IPO5: variants seen among roughly 807,000 people sequenced by gnomAD.
IPO5 encodes the protein importin 5, also known as importin-5.
Under a neutral mutation model 143.3 loss-of-function variants are expected in IPO5, and 18 were observed. The ratio of observed to expected loss-of-function variants is 0.13; its 90% confidence interval spans 0.09 to 0.19. The LOEUF is 0.19. IPO5 is among the 10% of genes least tolerant of loss of function. The pLI is 1.00. For synonymous variants in IPO5, 477 were observed against 465.7 expected, an observed-to-expected ratio of 1.02 and a Z score of -0.31; for missense variants, 1,013 against 1,336.9, an observed-to-expected ratio of 0.76 and a Z score of 3.78.
intron 20 of IPO5, 82 bp downstream of exon 20, chr13:98,010,306 A>C (rs1475646275): frequency 2.3e-6 from 3 of 1,297,264 alleles, no homozygotes; most frequent in Non-Finnish European, 3.2e-6. Flanking sequence ...GCTGCTAAAG[A>C]AATTACTTTG....
chr13:97,992,879 T>A lies in IPO5; in HGVS notation c.670-13T>A, dbSNP rs1594082256. 1.3e-6 allele frequency: 2 copies of A among 1,598,582 alleles called. No homozygotes were observed. ...GAATCTTCAGCACCGACTTTCTGTT[T>A]CATCTTTTCTAGGCGGTAAATGACT... On this transcript the variant is annotated splice_polypyrimidine_tract_variant and intron_variant, in intron 9 of 28. Transcript: ENST00000651721.
chr13:97,964,755 C>T (rs1468077462), intron 2 of IPO5, among the ~76,000 whole-genome samples: 7 of 151,988 alleles, frequency 4.6e-5, no homozygotes, highest in African/African-American at 1.7e-4. Context: ...GGCCTCCCAG[C>T]ACCATTTCTT....
intron 25 of IPO5, 40 bp downstream of exon 25, chr13:98,016,891 A>C (rs771912694): frequency 7.0e-7 from 1 of 1,426,386 alleles, no homozygotes; most frequent in Non-Finnish European, 9.3e-7. Context: ...TGCGTAGTTT[A>C]CCTGGAATTC....
At chr13:97,974,309 CTTTT>C (rs200747505) in intron 3 of IPO5, among the ~76,000 whole-genome samples, 3 of 139,080 alleles carry the variant, frequency 2.2e-5, no homozygotes, top group African/African-American at 2.6e-5. Context: ...GTCTGAAATT[CTTTT>C]TTTTTTTTTT....
chr13:98,010,059 T>C (rs1889571993), intron 19 of IPO5, 44 bp from the exon 20 acceptor site: 2 of 1,613,360 alleles, frequency 1.2e-6, no homozygotes, highest in Admixed American at 1.7e-5. Context: ...GTTCTCTCTT[T>C]GTTATTATTT....
intron 2 of IPO5, among the ~76,000 whole-genome samples, chr13:97,965,169 A>G (rs1345650993): frequency 6.6e-6 from 1 of 152,186 alleles, no homozygotes; most frequent in African/African-American, 2.4e-5. Flanking sequence ...GAAGGGGAAC[A>G]TCACACACCA....
chr13:97,985,034 A>G (rs1034932701), intron 5 of IPO5, among the ~76,000 whole-genome samples: 3 of 152,208 alleles, frequency 2.0e-5, no homozygotes, highest in Admixed American at 6.5e-5. Flanking sequence ...TGGGAGCCTA[A>G]GGTTGGGTGG....
At chr13:97,999,248 A>G (rs1217130187) in intron 12 of IPO5, among the ~76,000 whole-genome samples, 1 of 152,226 alleles carries the variant, frequency 6.6e-6, no homozygotes, top group East Asian at 1.9e-4. Flanking sequence ...TAGAATATAT[A>G]TGCATTTTTG....
At position 98,019,819 on chromosome 13, in the gene IPO5, C is replaced by T; in HGVS notation, c.3065+10C>T. 6.4e-7 allele frequency: 1 copy of T among 1,551,654 alleles called. No homozygotes were observed. The highest frequency in any genetic ancestry group is 8.9e-7 in the Non-Finnish European group (1 of 1,123,764). On this transcript the variant is annotated intron_variant, in intron 27 of 28. Coordinates refer to ENST00000651721, the MANE Select transcript of IPO5 (RefSeq NM_002271.6). Reference sequence around the variant, plus strand: ...GTGACCTGATTGAAAGGTAGGAAAGCAGACTGTGACCTTATTTCCTTCTCC... The same window carrying T: ...GTGACCTGATTGAAAGGTAGGAAAGTAGACTGTGACCTTATTTCCTTCTCC...
chr13:97,999,995 A>G (rs1006200969), intron 12 of IPO5, among the ~76,000 whole-genome samples: 2 of 152,242 alleles, frequency 1.3e-5, no homozygotes, highest in South Asian at 2.1e-4. Context: ...CTTGAAAAAT[A>G]AGATTCAGGC....
intron 2 of IPO5, among the ~76,000 whole-genome samples, chr13:97,969,349 T>A (rs1035996885): frequency 2.0e-5 from 3 of 150,858 alleles, no homozygotes; most frequent in African/African-American, 7.3e-5. Context: ...GCCCAGCTAA[T>A]TTTTTTGTAT....
intron 20 of IPO5, among the ~76,000 whole-genome samples, chr13:98,011,333 C>T (rs1388366585): frequency 1.3e-5 from 2 of 152,156 alleles, no homozygotes; most frequent in African/African-American, 2.4e-5. Context: ...CTCTGTCGCT[C>T]AGGCTGGAGT....
chr13:97,973,061 G>C (rs894947337), intron 3 of IPO5, among the ~76,000 whole-genome samples: 2 of 59,170 alleles, frequency 3.4e-5, no homozygotes, highest in Admixed American at 3.8e-4. Flanking sequence ...TTTTTTTTTT[G>C]AGAGGGAGTC....
chr13:97,989,231 ATTATT>A, intron 7 of IPO5, 67 bp downstream of exon 7: 1 of 806,594 alleles, frequency 1.2e-6, no homozygotes, highest in East Asian at 2.7e-5. Flanking sequence ...CTTTTAACTG[ATTATT>A]TTAGCCTAAT....
rs762485186 is a variant in IPO5 at position 98,021,113 on chromosome 13, A to G, written c.3187A>G (p.Asn1063Asp). Residue 1063 changes from asparagine to aspartate, a missense_variant, in exon 28 of 29, where the codon AAT (asparagine) becomes GAT (aspartate). Coordinates refer to ENST00000651721, the MANE Select transcript of IPO5 (RefSeq NM_002271.6). ...HEDPCAKRLA[N>D]VVRQVQTSGG... ...AGATCCTTGTGCCAAACGTCTGGCC[A>G]ATGTCGTTCGCCAAGTACAGGTAAG... The G allele has an allele frequency of 4.4e-6, 7 of 1,606,052 alleles. No homozygotes were observed.
intron 8 of IPO5, 71 bp downstream of exon 8, chr13:97,990,293 G>T: frequency 8.2e-7 from 1 of 1,217,546 alleles, no homozygotes; most frequent in Admixed American, 2.0e-5. Context: ...TAGTATATTA[G>T]GAGGTTGTTT....
In IPO5 at chr13:97,976,531, C is replaced by T. The variant is rs1475960608; in HGVS notation, c.-4-162C>T. On this transcript the variant is annotated intron_variant, in intron 3 of 28. Transcript: ENST00000651721. ...AGAGGCCGCGAGGCCCCGCCCCGTC[C>T]TCCCCTTTCCCCTTTGCCCCGCCCT... is the stretch of plus-strand genomic sequence containing the variant. The T allele has an allele frequency of 2.5e-4, 40 of 159,252 alleles. No homozygotes were observed. The East Asian group carries it at 7.3e-3, about 29-fold the overall frequency. 9.9% of individuals were successfully genotyped at this position (159,252 alleles called of 1,614,324 possible).
chr13:97,961,690 T>A (rs1594009433), intron 2 of IPO5, among the ~76,000 whole-genome samples: 1 of 152,356 alleles, frequency 6.6e-6, no homozygotes, highest in East Asian at 1.9e-4. Flanking sequence ...ATGTTGCACA[T>A]CTTTTCATGT....
intron 13 of IPO5, 99 bp from the exon 14 acceptor site, chr13:98,002,368 T>C (rs769713825): frequency 8.8e-5 from 107 of 1,211,736 alleles, no homozygotes; most frequent in South Asian, 5.2e-4. Context: ...AAAAGTTTTG[T>C]TACTCTTTTC....
Sources: allele counts gnomAD v4.1 joint callset (sites outside exome capture counted in the v4.1 genomes callset), GRCh38; gene constraint gnomAD v4.1.1; transcripts MANE v1.5; gene names NCBI Gene and HGNC (gene_info 2026-07-23, HGNC 2026-07-21).